SPIDR: variants seen among roughly 807,000 people sequenced by gnomAD.
The protein encoded by SPIDR is DNA repair-scaffolding protein.
In SPIDR, 93 loss-of-function variants were observed where a neutral mutation model predicts 104.6. The observed-to-expected ratio is 0.89, with a 90% CI of 0.75 to 1.06. The LOEUF (loss-of-function observed/expected upper bound fraction) is 1.06. Ranked by LOEUF, SPIDR falls within the 50% of genes least tolerant of loss-of-function variation. The pLI is 0.00. For missense variants in SPIDR, 1,154 were observed against 1,111.2 expected, an observed-to-expected ratio of 1.04 and a Z score of -0.55; for synonymous variants, 431 against 416.9, an observed-to-expected ratio of 1.03 and a Z score of -0.41.
chr8:47,637,725 TC>T (rs1166918162), intron 10 of SPIDR, among the ~76,000 whole-genome samples: 1 of 152,198 alleles, frequency 6.6e-6, no homozygotes, highest in Non-Finnish European at 1.5e-5. Context: ...CAACATGAGT[TC>T]CTGCTGTTGA....
At chr8:47,623,266 C>A (rs1021137433) in intron 10 of SPIDR, among the ~76,000 whole-genome samples, 5 of 152,268 alleles carry the variant, frequency 3.3e-5, no homozygotes, top group African/African-American at 1.2e-4. Flanking sequence ...CATCTGGTAC[C>A]AGCCACTGCA....
intron 5 of SPIDR, among the ~76,000 whole-genome samples, chr8:47,325,541 T>G (rs1300379268): frequency 6.6e-6 from 1 of 152,242 alleles, no homozygotes; most frequent in Non-Finnish European, 1.5e-5. Context: ...ACATCAATTG[T>G]AATGAAAATG....
intron 5 of SPIDR, among the ~76,000 whole-genome samples, chr8:47,313,662 A>G (rs1465780605): frequency 1.3e-5 from 2 of 152,192 alleles, no homozygotes; most frequent in Non-Finnish European, 2.9e-5. Context: ...ACTTCAAACT[A>G]TACTACAAGG....
At chr8:47,431,098 A>G (rs2067283888) in intron 7 of SPIDR, among the ~76,000 whole-genome samples, 1 of 152,230 alleles carries the variant, frequency 6.6e-6, no homozygotes, top group Non-Finnish European at 1.5e-5. Context: ...GCTGGTAGCC[A>G]GGGTGCAGCA....
chr8:47,301,043 G>A (rs1410330310), intron 5 of SPIDR, among the ~76,000 whole-genome samples: 1 of 152,084 alleles, frequency 6.6e-6, no homozygotes, highest in East Asian at 1.9e-4. Flanking sequence ...TGTTGATAGT[G>A]GGGTGTTAAA....
intron 14 of SPIDR, among the ~76,000 whole-genome samples, chr8:47,708,008 A>G (rs1041645443): frequency 1.3e-5 from 2 of 152,236 alleles, no homozygotes; most frequent in Admixed American, 1.3e-4. Flanking sequence ...ATGCTTAAAT[A>G]CTTTTCCTGG....
Position 47,386,902 on chromosome 8 carries a change from G to GATAT in SPIDR, c.526-9473_526-9472insTATA, listed in dbSNP as rs1554648585. Among the ~76,000 whole-genome samples, 11 of 99,404 alleles carry GATAT rather than the reference G, an allele frequency of 1.1e-4. No individual in the cohort carries two copies. In the South Asian group the frequency reaches 2.5e-3, roughly 23 times the overall value. The allele number at this position is 99,404 out of a possible 152,430, so 65.2% of individuals were successfully genotyped here. A position where few individuals can be genotyped will look rare whatever the true frequency, so the allele number is the denominator to read the frequency against. On this transcript the variant is annotated intron_variant, in intron 5 of 19. Transcript: ENST00000297423. ...GGAGAGAGAGAGAGAAAGAGAGAGA[G>GATAT]AGATATAGATATAGATATAGATATA...
intron 7 of SPIDR, among the ~76,000 whole-genome samples, chr8:47,411,301 T>C (rs1476504807): frequency 1.3e-5 from 2 of 151,672 alleles, no homozygotes; most frequent in Non-Finnish European, 3.0e-5. Flanking sequence ...TCCTATTTCT[T>C]CACATCCTCT....
chr8:47,657,286 A>T (rs553333895), intron 10 of SPIDR, among the ~76,000 whole-genome samples: 46 of 149,916 alleles, frequency 3.1e-4, no homozygotes, highest in African/African-American at 1.1e-3. Context: ...TGTGCTGAGG[A>T]AAAAAAAAAT....
intron 8 of SPIDR, among the ~76,000 whole-genome samples, chr8:47,454,916 G>A (rs1323056374): frequency 2.0e-5 from 3 of 151,842 alleles, no homozygotes; most frequent in African/African-American, 7.3e-5. Flanking sequence ...GAATAAAGGA[G>A]AAATTAACAC....
chr8:47,534,672 G>A (rs764541958), intron 8 of SPIDR, among the ~76,000 whole-genome samples: 2 of 152,032 alleles, frequency 1.3e-5, no homozygotes, highest in African/African-American at 2.4e-5. Flanking sequence ...AAAGATAACT[G>A]TTGGGTACTG....
At chr8:47,704,392 C>T (rs186938532) in intron 14 of SPIDR, among the ~76,000 whole-genome samples, 26 of 152,330 alleles carry the variant, frequency 1.7e-4, no homozygotes, top group African/African-American at 6.0e-4. Context: ...TGGTTATCTG[C>T]TGTCTCTGAT....
intron 11 of SPIDR, among the ~76,000 whole-genome samples, chr8:47,674,469 A>G (rs760454327): frequency 4.6e-5 from 7 of 152,120 alleles, no homozygotes; most frequent in Non-Finnish European, 7.4e-5. Context: ...TGCCTGTTAC[A>G]TCTCCAGTAA....
chr8:47,639,057 G>A (rs1341868812), intron 10 of SPIDR, among the ~76,000 whole-genome samples: 1 of 152,158 alleles, frequency 6.6e-6, no homozygotes, highest in African/African-American at 2.4e-5. Context: ...TAGGAACTAG[G>A]TATTTTAACT....
In SPIDR at chr8:47,316,959, T is replaced by C. The variant is rs969965357; in HGVS notation, c.525+22929T>C. On this transcript the variant is annotated intron_variant, in intron 5 of 19. Coordinates refer to ENST00000297423, the MANE Select transcript of SPIDR (RefSeq NM_001080394.4). ...TGCAACTTTGAAATGCATCGAAAAG[T>C]AAGATGGATTGGTGGAGCCAAGATG... Among the ~76,000 whole-genome samples, 16 of 151,934 alleles carry C rather than the reference T, an allele frequency of 1.1e-4. 1 individual carries two copies. The highest frequency in any genetic ancestry group is 1.0e-3 in the Admixed American group (16 of 15,268).
intron 5 of SPIDR, among the ~76,000 whole-genome samples, chr8:47,311,984 C>CT (rs1554585587): frequency 1.3e-5 from 2 of 151,976 alleles, no homozygotes; most frequent in African/African-American, 4.8e-5. Context: ...GTTTTTTGTC[C>CT]TTGCGATAGT....
In SPIDR at chr8:47,279,702, C is replaced by T. The variant is rs374070638; in HGVS notation, c.34-160C>T. 2.9e-4 allele frequency among the ~76,000 whole-genome samples: 44 copies of T among 152,222 alleles called. 1 individual carries two copies. The highest frequency in any genetic ancestry group is 6.7e-4 in the African/African-American group (28 of 41,532). ...TTTCTATGTTTTTGGCTTTGCTGTCCGGTTGCTCTTTATGTGAAGATTTAG... is the reference window on the plus strand; with the variant it reads ...TTTCTATGTTTTTGGCTTTGCTGTCTGGTTGCTCTTTATGTGAAGATTTAG... On this transcript the variant is annotated intron_variant, in intron 1 of 19. Coordinates refer to ENST00000297423, the MANE Select transcript of SPIDR (RefSeq NM_001080394.4).
intron 5 of SPIDR, among the ~76,000 whole-genome samples, chr8:47,352,681 G>GT (rs782202870): frequency 6.6e-6 from 1 of 152,160 alleles, no homozygotes; most frequent in Non-Finnish European, 1.5e-5. Flanking sequence ...CTATCATGAT[G>GT]TTATATAACA....
intron 8 of SPIDR, among the ~76,000 whole-genome samples, chr8:47,588,145 A>T (rs1324289822): frequency 7.2e-6 from 1 of 138,706 alleles, no homozygotes; most frequent in Non-Finnish European, 1.5e-5. Context: ...CTTTAAGCCT[A>T]TAGATCCATT....
Sources: gnomAD v4.1 joint callset for allele counts (sites outside exome capture counted in the v4.1 genomes callset) on GRCh38, gnomAD v4.1.1 for gene constraint, MANE v1.5 for transcripts, NCBI Gene and HGNC (gene_info 2026-07-23, HGNC 2026-07-21) for gene names.